The following RABGEF1 variants were observed in gnomAD, a reference collection of about 807,000 sequenced individuals.
RABGEF1 encodes RAB guanine nucleotide exchange factor 1, also known as rab5 GDP/GTP exchange factor.
Under a neutral mutation model 57.3 loss-of-function variants are expected in RABGEF1, and 26 were observed. The observed-to-expected ratio is 0.45, with a 90% CI of 0.33 to 0.63. The LOEUF (loss-of-function observed/expected upper bound fraction) is 0.63. Ranked by LOEUF, RABGEF1 falls within the 20% of genes least tolerant of loss-of-function variation. The pLI is 0.02. For missense variants in RABGEF1, 464 were observed against 607.6 expected (o/e 0.76, Z 2.48); for synonymous variants, 185 against 210.7 (o/e 0.88, Z 1.06).
intron 4 of RABGEF1, among the ~76,000 whole-genome samples, chr7:66,788,055 A>G (rs1811632377): frequency 6.6e-6 from 1 of 152,124 alleles, no homozygotes; most frequent in African/African-American, 2.4e-5. Flanking sequence ...TTTTTTCCCT[A>G]TTCTGAAAGT....
At chr7:66,756,844 T>C (rs1802838754) in intron 1 of RABGEF1, among the ~76,000 whole-genome samples, 1 of 152,194 alleles carries the variant, frequency 6.6e-6, no homozygotes, top group South Asian at 2.1e-4. Flanking sequence ...CAACACTATT[T>C]ATTGAAAATT....
rs569305087 is a variant in RABGEF1, at chr7:66,781,179, CT to C, written c.347-2493del. Among the ~76,000 whole-genome samples, 466 of 152,026 alleles carry C rather than the reference CT, an allele frequency of 3.1e-3. 6 individuals are homozygous for C. Among genetic ancestry groups the C allele is most frequent in the Middle Eastern group, 0.01 (3 of 294 alleles). ...CACTATCAGCTTGTTAGCTATACCTCTTTGTTCTGTTTTGTTTTTGTTACTG... is the reference window on the plus strand; with the variant it reads ...CACTATCAGCTTGTTAGCTATACCTCTTGTTCTGTTTTGTTTTTGTTACTG... On this transcript the variant is annotated intron_variant, in intron 3 of 8. Coordinates refer to ENST00000284957, the MANE Select transcript of RABGEF1 (RefSeq NM_014504.3).
At chr7:66,745,698 G>A (rs1402771322) in intron 1 of RABGEF1, among the ~76,000 whole-genome samples, 1 of 151,850 alleles carries the variant, frequency 6.6e-6, no homozygotes, top group East Asian at 1.9e-4. Context: ...GATCCCGGGA[G>A]GCGGAAATTG....
chr7:66,679,188 G>A (rs898360749), upstream of RABGEF1, among the ~76,000 whole-genome samples: 4 of 152,234 alleles, frequency 2.6e-5, no homozygotes, highest in African/African-American at 9.6e-5. Flanking sequence ...CTATCTGTTC[G>A]GTGCCTGGAA....
intron 1 of RABGEF1, among the ~76,000 whole-genome samples, chr7:66,689,915 C>T (rs192881949): frequency 6.6e-6 from 1 of 152,120 alleles, no homozygotes; most frequent in East Asian, 1.9e-4. Flanking sequence ...TTACCAGTGA[C>T]TTCTACCAGA....
chr7:66,804,244 C>T (rs1360292216), intron 7 of RABGEF1, among the ~76,000 whole-genome samples: 4 of 152,112 alleles, frequency 2.6e-5, no homozygotes, highest in African/African-American at 9.7e-5. Flanking sequence ...TTACCACACT[C>T]GGCTAATTTT....
intron 1 of RABGEF1, among the ~76,000 whole-genome samples, chr7:66,683,752 TTATTGAGA>T (rs1441873393): frequency 1.3e-5 from 2 of 151,810 alleles, no homozygotes; most frequent in Non-Finnish European, 2.9e-5. Flanking sequence ...ATTTATTTAT[TTATTGAGA>T]GAGAGGGTCT....
chr7:66,724,413 G>A (rs1286501581), intron 2 of RABGEF1, among the ~76,000 whole-genome samples: 10 of 151,508 alleles, frequency 6.6e-5, no homozygotes, highest in Admixed American at 6.6e-5. Context: ...AGGTTGGAGT[G>A]CAGTGGCGCG....
the RABGEF1 span, among the ~76,000 whole-genome samples, chr7:66,662,416 C>A: frequency 0.037 from 5,576 of 152,198 alleles, 160 homozygotes; most frequent in East Asian, 0.088. Context: ...CTGGGGTGAT[C>A]AGGCTGGATA....
In RABGEF1 at chr7:66,793,109, G is replaced by A. The variant is rs147852671; in HGVS notation, c.514-2402G>A. Among the ~76,000 whole-genome samples the A allele has an allele frequency of 6.4e-3, 977 of 152,248 alleles. 2 individuals carry two copies. The highest frequency in any genetic ancestry group is 0.017 in the Middle Eastern group (5 of 294). On this transcript the variant is annotated intron_variant, in intron 4 of 8. Coordinates refer to ENST00000284957, the MANE Select transcript of RABGEF1 (RefSeq NM_014504.3). ...TTGACACCAGTAAGACAGGCCTCTCGGGTCTCTAAAAGGAGCTCAGAGAGT... is the reference window on the plus strand; with the variant it reads ...TTGACACCAGTAAGACAGGCCTCTCAGGTCTCTAAAAGGAGCTCAGAGAGT...
the RABGEF1 span, chr7:66,669,723 A>G: frequency 6.6e-6 from 1 of 151,754 alleles, no homozygotes; most frequent in Non-Finnish European, 1.5e-5. Flanking sequence ...CCAAAAGTCA[A>G]CTCTTGGTTC....
chr7:66,761,426 G>T (rs997709800), intron 1 of RABGEF1, among the ~76,000 whole-genome samples: 1 of 152,160 alleles, frequency 6.6e-6, no homozygotes, highest in African/African-American at 2.4e-5. Context: ...TCTGTTTACT[G>T]GTTTATTATA....
intron 1 of RABGEF1, among the ~76,000 whole-genome samples, chr7:66,685,612 A>G (rs1790505556): frequency 6.6e-6 from 1 of 152,224 alleles, no homozygotes; most frequent in Admixed American, 6.5e-5. Context: ...CTGTTTTTGC[A>G]TTCTCAACCC....
intron 2 of RABGEF1, among the ~76,000 whole-genome samples, chr7:66,727,636 T>G (rs111636104): frequency 1.2e-4 from 19 of 152,348 alleles, no homozygotes; most frequent in Admixed American, 3.3e-4. Context: ...CCACAGCCTG[T>G]GCAGTGAGTC....
chr7:66,760,881 C>T (rs1403584410), intron 1 of RABGEF1, among the ~76,000 whole-genome samples: 6 of 152,068 alleles, frequency 3.9e-5, no homozygotes, highest in Non-Finnish European at 5.9e-5. Context: ...CTCCCACCTT[C>T]GCCTCCCAAA....
chr7:66,735,275 A>G (rs1016065973), intron 2 of RABGEF1, among the ~76,000 whole-genome samples: 3 of 152,170 alleles, frequency 2.0e-5, no homozygotes, highest in Admixed American at 6.6e-5. Context: ...TTTGTAGCCT[A>G]TTCCAACCGT....
chr7:66,744,647 G>A (rs1382641885), intron 1 of RABGEF1, among the ~76,000 whole-genome samples: 4 of 138,450 alleles, frequency 2.9e-5, no homozygotes, highest in Non-Finnish European at 4.6e-5. Flanking sequence ...CAGCCTGGGC[G>A]ACAGAGCCAG....
upstream of RABGEF1, among the ~76,000 whole-genome samples, chr7:66,677,937 C>T (rs999930372): frequency 4.0e-5 from 6 of 150,838 alleles, no homozygotes; most frequent in Admixed American, 6.6e-5. Context: ...TGGTGGCGTG[C>T]ACCTGTAGTC....
upstream of RABGEF1, among the ~76,000 whole-genome samples, chr7:66,681,446 C>T (rs984927686): frequency 2.3e-4 from 34 of 150,250 alleles, no homozygotes; most frequent in African/African-American, 7.9e-4. Context: ...CTCTGTCACC[C>T]GGGCTGGAGT....
Sources: gnomAD v4.1 joint callset for allele counts (sites outside exome capture counted in the v4.1 genomes callset) on GRCh38, gnomAD v4.1.1 for gene constraint, MANE v1.5 for transcripts, NCBI Gene and HGNC (gene_info 2026-07-23, HGNC 2026-07-21) for gene names.